Variants in UBE2E2 observed in about 807,000 individuals in gnomAD.
UBE2E2 encodes the protein ubiquitin conjugating enzyme E2 E2.
A neutral mutation model predicts 24.7 loss-of-function variants in UBE2E2; 6 were observed. The observed-to-expected ratio is 0.24, with a 90% CI of 0.13 to 0.48. The LOEUF is 0.48. UBE2E2 is among the 20% of genes least tolerant of loss of function. The pLI, the probability that UBE2E2 is intolerant of heterozygous loss-of-function variation, is 0.99. For missense variants in UBE2E2, 169 were observed against 245.0 expected (o/e 0.69, Z 2.07); for synonymous variants, 104 against 83.6 (o/e 1.24, Z -1.33).
At chr3:23,231,969 G>T (rs1443544231) in intron 3 of UBE2E2, among the ~76,000 whole-genome samples, 1 of 152,160 alleles carries the variant, frequency 6.6e-6, no homozygotes, top group East Asian at 1.9e-4. Context: ...CTTTACGTCA[G>T]CCTCCATGTG....
At chr3:23,505,834 G>A (rs918803376) in intron 4 of UBE2E2, among the ~76,000 whole-genome samples, 1 of 152,054 alleles carries the variant, frequency 6.6e-6, no homozygotes, top group Non-Finnish European at 1.5e-5. Context: ...GGGTCTTCAG[G>A]TTTTCAAAAT....
rs1553634256 is a variant in UBE2E2, at chr3:23,246,237, T to TTTTTTC, written c.227+28925_227+28926insTTTTTC. 3.6e-5 allele frequency among the ~76,000 whole-genome samples: 5 copies of TTTTTTC among 139,388 alleles called. 1 individual carries two copies. The highest frequency in any genetic ancestry group is 7.0e-5 in the Admixed American group (1 of 14,196). The allele number at this position is 139,388 out of a possible 152,430, so 91.4% of individuals were successfully genotyped here. On this transcript the variant is annotated intron_variant, in intron 3 of 5. Transcript: ENST00000396703. ...TGCGTGGCTAATTTTTTTTTTTTTT[T>TTTTTTC]CGAGATGGAGTCTCGCTCTGTCGCC...
At chr3:23,302,078 G>T (rs1385035149) in intron 3 of UBE2E2, among the ~76,000 whole-genome samples, 10 of 151,892 alleles carry the variant, frequency 6.6e-5, no homozygotes, top group Admixed American at 6.6e-4. Flanking sequence ...TCGTATCTTT[G>T]TAATTTCCTC....
At chr3:23,398,259 G>A (rs575407218) in intron 3 of UBE2E2, among the ~76,000 whole-genome samples, 5 of 145,496 alleles carry the variant, frequency 3.4e-5, no homozygotes, top group Non-Finnish European at 7.4e-5. Flanking sequence ...GTTTCAGTGA[G>A]CTGAGATGGC....
At chr3:23,364,446 C>A (rs1696204036) in intron 3 of UBE2E2, among the ~76,000 whole-genome samples, 1 of 151,942 alleles carries the variant, frequency 6.6e-6, no homozygotes, top group Admixed American at 6.6e-5. Flanking sequence ...GGGGACATTA[C>A]CACCAACCCA....
chr3:23,408,375 A>G (rs117433939), intron 3 of UBE2E2, among the ~76,000 whole-genome samples: 4,388 of 152,170 alleles, frequency 0.029, 110 homozygotes, highest in East Asian at 0.13. Flanking sequence ...GATATAATTT[A>G]TCTAGAAAAT....
intron 3 of UBE2E2, among the ~76,000 whole-genome samples, chr3:23,317,133 T>TC (rs1044355593): frequency 3.3e-5 from 5 of 152,220 alleles, no homozygotes; most frequent in African/African-American, 4.8e-5. Context: ...AGGTCATGTG[T>TC]CCCCCCAAAT....
intron 4 of UBE2E2, among the ~76,000 whole-genome samples, chr3:23,528,735 C>A (rs1300936156): frequency 2.6e-5 from 4 of 152,300 alleles, no homozygotes; most frequent in African/African-American, 9.6e-5. Flanking sequence ...CATCTAGCTA[C>A]ATTCTGGCAG....
chr3:23,273,541 A>AG (rs1416843637), intron 3 of UBE2E2, among the ~76,000 whole-genome samples: 5 of 151,968 alleles, frequency 3.3e-5, no homozygotes, highest in Non-Finnish European at 7.4e-5. Context: ...AAAAAAAAAA[A>AG]AAAGAGAGAG....
At chr3:23,297,107 CT>C (rs780444193) in intron 3 of UBE2E2, among the ~76,000 whole-genome samples, 60 of 152,308 alleles carry the variant, frequency 3.9e-4, no homozygotes, top group Non-Finnish European at 4.4e-4. Context: ...TAAATGTCTT[CT>C]TTTGAGAGGT....
chr3:23,292,051 G>A (rs904830903), intron 3 of UBE2E2, among the ~76,000 whole-genome samples: 2 of 151,892 alleles, frequency 1.3e-5, no homozygotes, highest in South Asian at 2.1e-4. Context: ...GTAGAGACGG[G>A]GTTTCACCGT....
Position 23,377,389 on chromosome 3 carries a change from G to T in UBE2E2, c.228-122219G>T, listed in dbSNP as rs111841398. On this transcript the variant is annotated intron_variant, in intron 3 of 5. Coordinates refer to ENST00000396703, the MANE Select transcript of UBE2E2 (RefSeq NM_152653.4). The stretch of plus-strand genomic sequence containing the variant: ...GGTAATTATTAATGATAGTGTTTAT[G>T]GTACTAACTGGTGCCTGATCATTTT... Among the ~76,000 whole-genome samples the T allele has an allele frequency of 5.7e-3, 865 of 152,240 alleles. 7 individuals are homozygous for T. The highest frequency in any genetic ancestry group is 0.02 in the African/African-American group (823 of 41,538).
At chr3:23,349,856 C>T (rs1290704582) in intron 3 of UBE2E2, among the ~76,000 whole-genome samples, 1 of 152,208 alleles carries the variant, frequency 6.6e-6, no homozygotes, top group East Asian at 1.9e-4. Flanking sequence ...TTAAATGTCC[C>T]TGTCTGACAG....
At chr3:23,367,836 A>C (rs1338578892) in intron 3 of UBE2E2, among the ~76,000 whole-genome samples, 1 of 152,108 alleles carries the variant, frequency 6.6e-6, no homozygotes. Context: ...ACCTCCAGTT[A>C]GGTAGTGTCA....
intron 3 of UBE2E2, among the ~76,000 whole-genome samples, chr3:23,464,387 G>T (rs1246369742): frequency 6.6e-6 from 1 of 152,116 alleles, no homozygotes; most frequent in Non-Finnish European, 1.5e-5. Flanking sequence ...TAGAAAGGAT[G>T]TCTGCTTAGT....
intron 5 of UBE2E2, among the ~76,000 whole-genome samples, chr3:23,572,054 C>T (rs1696243342): frequency 1.3e-5 from 2 of 152,246 alleles, no homozygotes; most frequent in South Asian, 4.1e-4. Context: ...TTTAGTATCC[C>T]TGGTTATTGA....
At chr3:23,346,570 A>G (rs1695563340) in intron 3 of UBE2E2, among the ~76,000 whole-genome samples, 3 of 152,236 alleles carry the variant, frequency 2.0e-5, no homozygotes, top group Admixed American at 2.0e-4. Context: ...TCACTGTTTC[A>G]CTAAAGACTG....
intron 3 of UBE2E2, among the ~76,000 whole-genome samples, chr3:23,483,454 C>T (rs1281979556): frequency 6.6e-6 from 1 of 152,014 alleles, no homozygotes; most frequent in Non-Finnish European, 1.5e-5. Context: ...AAAGTGTTAC[C>T]TTTTTTACAG....
intron 3 of UBE2E2, among the ~76,000 whole-genome samples, chr3:23,458,391 C>CTGGAGGTGGTGG (rs1698727348): frequency 8.2e-6 from 1 of 122,434 alleles, no homozygotes; most frequent in Admixed American, 7.9e-5. Context: ...AGAGAGATCG[C>CTGGAGGTGGTGG]TGGTGGTGGT....
Sources: allele counts gnomAD v4.1 joint callset (sites outside exome capture counted in the v4.1 genomes callset), GRCh38; gene constraint gnomAD v4.1.1; transcripts MANE v1.5; gene names NCBI Gene and HGNC (gene_info 2026-07-23, HGNC 2026-07-21).